Variants in CACNA1S observed in about 807,000 individuals in gnomAD.
CACNA1S encodes voltage-dependent L-type calcium channel subunit alpha-1S.
A neutral mutation model predicts 207.4 loss-of-function variants in CACNA1S; 126 were observed. That is an observed-to-expected ratio of 0.61 (90% confidence interval 0.53 to 0.70). The LOEUF (loss-of-function observed/expected upper bound fraction) is 0.70. CACNA1S is among the 30% of genes least tolerant of loss of function. CACNA1S has a pLI of 0.00. For missense variants in CACNA1S, 2,349 were observed against 2,422.8 expected, an observed-to-expected ratio of 0.97 and a Z score of 0.64; for synonymous variants, 960 against 932.7, an observed-to-expected ratio of 1.03 and a Z score of -0.53.
At chr1:201,056,522 T>C (rs1317930556) in intron 28 of CACNA1S, among the ~76,000 whole-genome samples, 1 of 152,336 alleles carries the variant, frequency 6.6e-6, no homozygotes, top group East Asian at 1.9e-4. Flanking sequence ...ACCAGTCCCC[T>C]GCTGGGATCC....
At chr1:201,044,226 C>T in intron 39 of CACNA1S, 102 bp downstream of exon 39, 1 of 1,470,544 alleles carries the variant, frequency 6.8e-7, no homozygotes, top group Non-Finnish European at 9.4e-7. Flanking sequence ...CTTCAGCTCC[C>T]ATGTCCCCCT....
intron 26 of CACNA1S, 38 bp from the exon 27 acceptor site, chr1:201,059,337 CG>C (rs756069206): frequency 7.2e-7 from 1 of 1,383,782 alleles, no homozygotes; most frequent in Non-Finnish European, 1.0e-6. Context: ...TCAGGGGGGC[CG>C]GGTTTGCCCA....
intron 13 of CACNA1S, 72 bp downstream of exon 13, chr1:201,075,423 G>C: frequency 6.3e-7 from 1 of 1,595,180 alleles, no homozygotes. Context: ...GGACACCCTT[G>C]ACCCCCATTT....
rs180725601 is a variant in CACNA1S at position 201,075,417 on chromosome 1, A to G, written c.1948+78T>C. 2,458 of 1,581,986 alleles carry G rather than the reference A, an allele frequency of 1.6e-3. 5 individuals carry two copies. The highest frequency in any genetic ancestry group is 8.9e-3 in the Middle Eastern group (42 of 4,724). Reference sequence around the variant, plus strand: ...GGGCCTGGCTACCTAGAAACTGGACACCCTTGACCCCCATTTTAAGCCCTT... The same window carrying G: ...GGGCCTGGCTACCTAGAAACTGGACGCCCTTGACCCCCATTTTAAGCCCTT... On this transcript the variant is annotated intron_variant, in intron 13 of 43. Coordinates refer to ENST00000362061, the MANE Select transcript of CACNA1S (RefSeq NM_000069.3).
At chr1:201,047,440 A>T in intron 37 of CACNA1S, 85 bp downstream of exon 37, 2 of 1,325,278 alleles carry the variant, frequency 1.5e-6, no homozygotes, top group Non-Finnish European at 2.2e-6. Flanking sequence ...GTCCGTTCTC[A>T]GATTCCCATG....
intron 40 of CACNA1S, chr1:201,043,003 T>G: frequency 2.3e-6 from 1 of 429,450 alleles, no homozygotes; most frequent in South Asian, 2.1e-5. Context: ...ATGTGTTCAA[T>G]ACGTCTCAGC....
chr1:201,044,321 C>T lies in CACNA1S; in HGVS notation c.4797+7G>A, dbSNP rs1558052643. The T allele has an allele frequency of 6.2e-7, 1 of 1,613,170 alleles. No homozygotes were observed. Among genetic ancestry groups the T allele is most frequent in the African/African-American group, 1.3e-5 (1 of 74,848 alleles). ...GACCACTAGGGGTGCTCCTGGCTCT[C>T]CCTCACCCGGAATATTCCCTCCTCC... On this transcript the variant is annotated splice_region_variant and intron_variant, in intron 39 of 43. Coordinates refer to ENST00000362061, the MANE Select transcript of CACNA1S (RefSeq NM_000069.3).
At chr1:201,076,843 C>A in intron 12 of CACNA1S, 77 bp downstream of exon 12, 1 of 1,332,962 alleles carries the variant, frequency 7.5e-7, no homozygotes, top group East Asian at 2.3e-5. Context: ...GAAGGTGATG[C>A]CCACCTTGAT....
chr1:201,069,692 A>G, intron 17 of CACNA1S, 91 bp from the exon 18 acceptor site: 5 of 1,452,984 alleles, frequency 3.4e-6, no homozygotes, highest in Non-Finnish European at 4.7e-6. Flanking sequence ...AACATGGAAT[A>G]CACCTCCTGC....
intron 28 of CACNA1S, 75 bp downstream of exon 28, chr1:201,058,333 C>T (rs1660920952): frequency 7.9e-7 from 1 of 1,259,954 alleles, no homozygotes; most frequent in Non-Finnish European, 1.2e-6. Flanking sequence ...ACAGTGGGCA[C>T]CCCACAAATA....
intron 28 of CACNA1S, among the ~76,000 whole-genome samples, 154 bp downstream of exon 28, chr1:201,058,254 G>T (rs1050050513): frequency 1.3e-5 from 2 of 152,230 alleles, no homozygotes; most frequent in Non-Finnish European, 2.9e-5. Context: ...CAGGATGATA[G>T]TTCCTTGAGG....
rs1365663404 is a variant in CACNA1S, at chr1:201,077,981, C to G, written c.1517G>C (p.Ser506Thr). The change falls in exon 11 of 44, where the codon AGC (serine) becomes ACC (threonine). Residue 506 changes from serine to threonine, a missense_variant. Ser to Thr is a moderately conservative substitution (Grantham distance 58). Transcript: ENST00000362061. ...FNRFDCFVVC[S>T]GILEILLVES... ...CACCAGCAGGATCTCCAGGATACCG[C>G]TACACACCACGAAGCAGTCGAAGCG... 6.2e-7 allele frequency: 1 copy of G among 1,614,092 alleles called. No homozygotes were observed. The highest frequency in any genetic ancestry group is 8.5e-7 in the Non-Finnish European group (1 of 1,180,018).
At chr1:201,043,897 C>G (rs570878589) in intron 39 of CACNA1S, among the ~76,000 whole-genome samples, 14 of 152,080 alleles carry the variant, frequency 9.2e-5, no homozygotes, top group Non-Finnish European at 1.9e-4. Flanking sequence ...CTGTGGGCCA[C>G]TATTTCCTCA....
At chr1:201,043,067 A>C (rs1660330611) in intron 40 of CACNA1S, 1 of 582,642 alleles carries the variant, frequency 1.7e-6, no homozygotes, top group Non-Finnish European at 3.1e-6. Context: ...ACTGGGGCCA[A>C]TACTGACATG....
Position 201,053,319 on chromosome 1 carries a change from T to C in CACNA1S, c.3796-45A>G, listed in dbSNP as rs575408791. ...GCCAGTCAGTGTCTTAGGGCTCCAC[T>C]GTGTGTCTGCAGCCCTGCCCTCTGT... On this transcript the variant is annotated intron_variant, in intron 30 of 43. Transcript: ENST00000362061. This position sits in a 1 kb window ranked among gnomAD's most constrained non-coding sequence, Gnocchi z 5.1. 11 of 1,611,736 alleles carry C rather than the reference T, an allele frequency of 6.8e-6. No individual in the cohort carries two copies. The highest frequency in any genetic ancestry group is 1.3e-5 in the African/African-American group (1 of 74,840).
At chr1:201,055,013 G>C (rs917075798) in intron 28 of CACNA1S, among the ~76,000 whole-genome samples, 1 of 152,200 alleles carries the variant, frequency 6.6e-6, no homozygotes, top group Admixed American at 6.5e-5. Context: ...CCATCTCCCA[G>C]GGGCACAGCT....
intron 35 of CACNA1S, 88 bp from the exon 36 acceptor site, chr1:201,048,772 G>A (rs1005896349): frequency 2.3e-5 from 27 of 1,186,196 alleles, no homozygotes; most frequent in Non-Finnish European, 3.0e-5. Flanking sequence ...GGACCGGGAG[G>A]GGACGGGACA....
Position 201,065,691 on chromosome 1 carries a change from G to T in CACNA1S, c.2853+147C>A, listed in dbSNP as rs544101711. On this transcript the variant is annotated intron_variant, in intron 22 of 43. Transcript: ENST00000362061. ...AAACTTATGTGTTTGGTGTGGTGAA[G>T]ACCTATTTTTCAAAATAAAATATTC... 1.0e-4 allele frequency: 71 copies of T among 679,688 alleles called. No homozygotes were observed. The South Asian group carries it at 1.1e-3, about 11-fold the overall frequency. 42.1% of individuals were successfully genotyped at this position (679,688 alleles called of 1,614,324 possible). A position where few individuals can be genotyped will look rare whatever the true frequency, so the allele number is the denominator to read the frequency against.
chr1:201,092,209 C>T (rs1017645662), intron 3 of CACNA1S, 95 bp from the exon 4 acceptor site: 100 of 1,426,038 alleles, frequency 7.0e-5, no homozygotes, highest in Non-Finnish European at 9.6e-5. Flanking sequence ...GCTTGAGCAC[C>T]TGTGGAAAGG....
Sources: gnomAD v4.1 joint callset for allele counts (sites outside exome capture counted in the v4.1 genomes callset) on GRCh38, gnomAD v4.1.1 for gene constraint, Gnocchi (gnomAD v3.1) non-coding constraint, MANE v1.5 for transcripts, NCBI Gene and HGNC (gene_info 2026-07-23, HGNC 2026-07-21) for gene names.